LTAP1: variants seen among roughly 807,000 people sequenced by gnomAD.
LTAP1 encodes lipid transport auxiliary protein 1, also known as HCV NS5A-transactivated protein 4.
chr1:154,207,075 T>C, the LTAP1 span: 1 of 203,154 alleles, frequency 4.9e-6, no homozygotes, highest in African/African-American at 2.4e-5. Flanking sequence ...AAGGTATAGA[T>C]ATGGAAGACA....
the LTAP1 span, chr1:154,214,604 A>G: frequency 7.0e-7 from 1 of 1,419,852 alleles, no homozygotes; most frequent in South Asian, 1.2e-5. Context: ...ATACACAATC[A>G]TTTACCCTGC....
chr1:154,219,973 G>A, the LTAP1 span: 3 of 1,495,548 alleles, frequency 2.0e-6, no homozygotes, highest in African/African-American at 3.0e-5. Flanking sequence ...TTAATAAAAA[G>A]TCAGTTTTGT....
At chr1:154,214,247 G>A in the LTAP1 span, among the ~76,000 whole-genome samples, 2 of 152,128 alleles carry the variant, frequency 1.3e-5, no homozygotes, top group Non-Finnish European at 2.9e-5. Flanking sequence ...TTGCACTCCA[G>A]CCTGGGCAAC....
chr1:154,215,940 C>G, the LTAP1 span, among the ~76,000 whole-genome samples: 1 of 151,570 alleles, frequency 6.6e-6, no homozygotes, highest in Non-Finnish European at 1.5e-5. Flanking sequence ...CGGGTTCACG[C>G]CATTCTCCTG....
At chr1:154,212,269 GT>G in the LTAP1 span, 1 of 1,592,086 alleles carries the variant, frequency 6.3e-7, no homozygotes, top group Non-Finnish European at 8.6e-7. Flanking sequence ...TGTGGCAACA[GT>G]CCAACACTAC....
At chr1:154,220,186 A>T in the LTAP1 span, 1 of 966,186 alleles carries the variant, frequency 1.0e-6, no homozygotes, top group Non-Finnish European at 1.6e-6. Context: ...CGGCCCGACT[A>T]AGTGACTTAA....
the LTAP1 span, among the ~76,000 whole-genome samples, chr1:154,209,669 C>T: frequency 6.6e-6 from 1 of 152,032 alleles, no homozygotes; most frequent in African/African-American, 2.4e-5. Context: ...TCACTGCAAG[C>T]TCCGCCTCCT....
the LTAP1 span, chr1:154,220,307 G>A: frequency 1.6e-5 from 25 of 1,612,172 alleles, no homozygotes; most frequent in Non-Finnish European, 2.1e-5. Flanking sequence ...TGGGTAAGAT[G>A]CGACAGCAGG....
chr1:154,219,735 G>T, the LTAP1 span: 1 of 900,452 alleles, frequency 1.1e-6, no homozygotes, highest in Non-Finnish European at 1.7e-6. Flanking sequence ...TGCACGCAAA[G>T]AAACATGAGA....
the LTAP1 span, chr1:154,219,850 G>C: frequency 1.2e-6 from 2 of 1,608,476 alleles, no homozygotes; most frequent in Non-Finnish European, 1.7e-6. Flanking sequence ...GGGGCATTGT[G>C]TCCCACAGGG....
the LTAP1 span, chr1:154,212,496 G>C: frequency 6.2e-7 from 1 of 1,614,150 alleles, no homozygotes; most frequent in Non-Finnish European, 8.5e-7. Flanking sequence ...CCATCCAAAA[G>C]GGTATCAATG....
At chr1:154,212,112 C>G in the LTAP1 span, 1 of 567,120 alleles carries the variant, frequency 1.8e-6, no homozygotes, top group Non-Finnish European at 3.1e-6. Context: ...CCGCCTCGGC[C>G]TCCCAAAGTG....
the LTAP1 span, chr1:154,219,841 G>C: frequency 6.2e-7 from 1 of 1,605,920 alleles, no homozygotes. Flanking sequence ...CCTACCTTGG[G>C]GGCATTGTGT....
chr1:154,212,319 C>T, the LTAP1 span: 39 of 1,614,182 alleles, frequency 2.4e-5, no homozygotes, highest in Non-Finnish European at 2.9e-5. Context: ...TCCAAACTCA[C>T]GCAGTGGCCA....
the LTAP1 span, chr1:154,212,145 C>A: frequency 1.4e-6 from 1 of 728,290 alleles, no homozygotes; most frequent in Non-Finnish European, 2.4e-6. Context: ...GCGTGAACCA[C>A]TGTGCCCGGC....
the LTAP1 span, among the ~76,000 whole-genome samples, chr1:154,210,772 C>T: frequency 1.3e-5 from 2 of 152,058 alleles, no homozygotes; most frequent in East Asian, 1.9e-4. Context: ...CCACTGCGCC[C>T]GGCCTAAGTT....
the LTAP1 span, chr1:154,220,558 C>G: frequency 4.1e-6 from 3 of 740,688 alleles, no homozygotes; most frequent in African/African-American, 1.8e-5. Context: ...GGCCTGAAAA[C>G]ATGGCGGACA....
At chr1:154,216,265 G>A in the LTAP1 span, among the ~76,000 whole-genome samples, 30 of 152,124 alleles carry the variant, frequency 2.0e-4, no homozygotes, top group African/African-American at 7.2e-4. Flanking sequence ...AAGATGCTTA[G>A]CTTTGCCTGG....
At chr1:154,207,485 C>T in the LTAP1 span, 1 of 1,614,112 alleles carries the variant, frequency 6.2e-7, no homozygotes, top group South Asian at 1.1e-5. Context: ...TTATAGTTAT[C>T]CTTAAAGCTC....
Sources: allele counts gnomAD v4.1 joint callset (sites outside exome capture counted in the v4.1 genomes callset), GRCh38; gene constraint gnomAD v4.1.1; transcripts MANE v1.5; gene names NCBI Gene and HGNC (gene_info 2026-07-23, HGNC 2026-07-21).